Variants in CWF19L1 observed in about 807,000 individuals in gnomAD.
The protein encoded by CWF19L1 is CWF19-like protein 1.
Under a neutral mutation model 69.7 loss-of-function variants are expected in CWF19L1, and 60 were observed. That is an observed-to-expected ratio of 0.86 (90% CI 0.70 to 1.07). The LOEUF (loss-of-function observed/expected upper bound fraction) is 1.07, where lower values mean the gene tolerates loss of function less well. CWF19L1 is among the 50% of genes least tolerant of loss of function. The probability of loss-of-function intolerance (pLI) is 0.00; values close to 1 mark genes in which losing one functional copy is unlikely to be tolerated. For synonymous variants in CWF19L1, 209 were observed against 222.2 expected (o/e 0.94, Z 0.53); for missense variants, 591 against 638.9 (o/e 0.92, Z 0.81).
intron 7 of CWF19L1, among the ~76,000 whole-genome samples, chr10:100,249,645 C>A (rs1463908002): frequency 6.6e-6 from 1 of 152,032 alleles, no homozygotes; most frequent in Non-Finnish European, 1.5e-5. Context: ...AGTGCAGTGG[C>A]CCGATCTCAG....
chr10:100,252,078 T>G (rs1433532726), intron 6 of CWF19L1, among the ~76,000 whole-genome samples: 1 of 152,196 alleles, frequency 6.6e-6, no homozygotes, highest in Non-Finnish European at 1.5e-5. Context: ...ATATTACTTT[T>G]GTAAAAAAGA....
intron 13 of CWF19L1, among the ~76,000 whole-genome samples, chr10:100,235,228 G>A (rs1449629372): frequency 6.6e-6 from 1 of 152,186 alleles, no homozygotes; most frequent in Non-Finnish European, 1.5e-5. Context: ...AAATCGGGAT[G>A]ACAGTACCTA....
At chr10:100,237,265 A>G in intron 11 of CWF19L1, 1 of 583,472 alleles carries the variant, frequency 1.7e-6, no homozygotes, top group Non-Finnish European at 3.3e-6. Flanking sequence ...CCCATTTGAA[A>G]ACTTAACAAA....
rs1029932290 is a variant in CWF19L1, at chr10:100,267,553, C to T, written c.23+18G>A. ...GAAAGAGACACAGGGAGAGAGGCTT[C>T]CATTCACGGTCACTCACAGGCGCAG... is the stretch of plus-strand genomic sequence containing the variant. On this transcript the variant is annotated intron_variant, in intron 1 of 13. Coordinates refer to ENST00000354105, the MANE Select transcript of CWF19L1 (RefSeq NM_018294.6). 5 of 1,614,104 alleles carry T rather than the reference C, an allele frequency of 3.1e-6. No individual in the cohort carries two copies. The African/African-American group carries it at 5.3e-5, about 17-fold the overall frequency.
intron 7 of CWF19L1, 185 bp downstream of exon 7, chr10:100,250,063 C>A: frequency 1.6e-6 from 1 of 610,828 alleles, no homozygotes; most frequent in Non-Finnish European, 2.9e-6. Flanking sequence ...CTTCTTTAAA[C>A]TCTCCTACAA....
chr10:100,252,219 A>G (rs1304766109), intron 6 of CWF19L1, among the ~76,000 whole-genome samples: 1 of 152,198 alleles, frequency 6.6e-6, no homozygotes, highest in Non-Finnish European at 1.5e-5. Flanking sequence ...CTTGACCTCT[A>G]TATCAGGAGA....
At chr10:100,255,246 T>C (rs576480856) in intron 5 of CWF19L1, among the ~76,000 whole-genome samples, 92 of 152,312 alleles carry the variant, frequency 6.0e-4, no homozygotes, top group African/African-American at 2.2e-3. Context: ...TGGCCAGGTA[T>C]GGTGGCTCAC....
At chr10:100,255,867 T>G (rs985471323) in intron 5 of CWF19L1, among the ~76,000 whole-genome samples, 14 of 150,514 alleles carry the variant, frequency 9.3e-5, no homozygotes, top group Admixed American at 2.6e-4. Flanking sequence ...GAGGAGGAGG[T>G]TGCAGTGAGC....
chr10:100,236,069 C>G (rs921150172), intron 12 of CWF19L1, among the ~76,000 whole-genome samples: 3 of 151,772 alleles, frequency 2.0e-5, no homozygotes, highest in Non-Finnish European at 2.9e-5. Flanking sequence ...TAGTCAATAC[C>G]CAGTGCTCTA....
Position 100,260,271 on chromosome 10 carries a change from T to C in CWF19L1, c.236A>G (p.Lys79Arg). Residue 79 changes from lysine to arginine, a missense_variant, in exon 4 of 14, where the codon AAA becomes AGA. Physicochemically the swap from Lys to Arg is conservative, Grantham distance 26 (BLOSUM62 2). This residue lies in a region of CWF19L1 where 129 missense variants were observed against 131.3 expected (regional missense o/e 0.98). Coordinates refer to ENST00000354105, the MANE Select transcript of CWF19L1 (RefSeq NM_018294.6). ...VLGANNQETVKYFQDADGCEL... is the reference protein window; with the variant it reads ...VLGANNQETVRYFQDADGCEL... ...ACATCCATCAGCATCCTGGAAATAT[T>C]TTACTGTTTCCTGGTTATTAGCACC... is the stretch of plus-strand genomic sequence containing the variant. 6.2e-7 allele frequency: 1 copy of C among 1,613,104 alleles called. No homozygotes were observed. Among genetic ancestry groups the C allele is most frequent in the Non-Finnish European group, 8.5e-7 (1 of 1,179,218 alleles).
chr10:100,261,425 G>A (rs187170136), intron 2 of CWF19L1, among the ~76,000 whole-genome samples: 307 of 152,226 alleles, frequency 2.0e-3, no homozygotes, highest in African/African-American at 7.2e-3. Flanking sequence ...ATCCCCGTGT[G>A]AAACAAAAAA....
chr10:100,250,309 T>C lies in CWF19L1; in HGVS notation c.647A>G (p.Asn216Ser). ...PYRNHIILQE[N>S]AQHATRFIAL... ...TATAAACCGGGTGGCATGCTGTGCA[T>C]TTTCCTGTAGAATGATATGGTTTCT... is the stretch of plus-strand genomic sequence containing the variant. Residue 216 changes from asparagine (N) to serine (S), a missense_variant, in exon 7 of 14, where the codon AAT becomes AGT. By Grantham distance (46) the Asn-to-Ser change is conservative (BLOSUM62 1). Coordinates refer to ENST00000354105, the MANE Select transcript of CWF19L1 (RefSeq NM_018294.6). The C allele has an allele frequency of 6.2e-7, 1 of 1,611,128 alleles. No individual in the cohort carries two copies. The highest frequency in any genetic ancestry group is 8.5e-7 in the Non-Finnish European group (1 of 1,177,578).
chr10:100,250,251 T>C lies in CWF19L1; in HGVS notation c.705A>G (p.Lys235=), dbSNP rs976711550. ...CACCAAATAGGTAAATCTTTACCTT[T>C]TTCTTTTCTGGATTTCCAACATTTG... ...ALANVGNPEK[K]KYLYAFSIVP... The change falls in exon 7 of 14, where the codon AAA becomes AAG. Residue 235 remains lysine, a synonymous_variant. Coordinates refer to ENST00000354105, the MANE Select transcript of CWF19L1 (RefSeq NM_018294.6). 3 of 1,602,142 alleles carry C rather than the reference T, an allele frequency of 1.9e-6. No homozygotes were observed. The African/African-American group carries it at 4.0e-5, about 21-fold the overall frequency.
At chr10:100,257,713 A>G (rs1423282963) in intron 4 of CWF19L1, among the ~76,000 whole-genome samples, 2 of 152,106 alleles carry the variant, frequency 1.3e-5, no homozygotes, top group Admixed American at 1.3e-4. Context: ...AGTAGATTCC[A>G]TGAAGTTGAC....
In CWF19L1 at chr10:100,256,472, A is replaced by C; in HGVS notation, c.294T>G (p.Arg98=). ...ELAENITYLG[R]KGIFTGSSGL... is the part of the protein sequence containing the mutation. ...CCGAGCTTCCAGTGAAGATACCTTTACGACCTGGGTTCAAAGAAAAATGAA... is the reference window on the plus strand; with the variant it reads ...CCGAGCTTCCAGTGAAGATACCTTTCCGACCTGGGTTCAAAGAAAAATGAA... The change falls in exon 5 of 14, where the codon CGT becomes CGG. Residue 98 remains arginine (R), a synonymous_variant. Transcript: ENST00000354105. 6.2e-7 allele frequency: 1 copy of C among 1,614,054 alleles called. No homozygotes were observed. Among genetic ancestry groups the C allele is most frequent in the Non-Finnish European group, 8.5e-7 (1 of 1,179,916 alleles).
At chr10:100,246,774 C>T in intron 8 of CWF19L1, 21 bp downstream of exon 8, 1 of 1,593,240 alleles carries the variant, frequency 6.3e-7, no homozygotes, top group Non-Finnish European at 8.6e-7. Context: ...ATAAAAATGC[C>T]AACCCTCAAT....
chr10:100,242,471 T>C (rs551702660), intron 10 of CWF19L1, among the ~76,000 whole-genome samples: 2 of 152,112 alleles, frequency 1.3e-5, no homozygotes, highest in South Asian at 2.1e-4. Flanking sequence ...GTCGGGAGTT[T>C]GAGACCAGCC....
At chr10:100,266,697 A>G (rs12245236) in intron 1 of CWF19L1, among the ~76,000 whole-genome samples, 12,037 of 128,452 alleles carry the variant, frequency 0.094, 993 homozygotes, top group African/African-American at 0.28. Context: ...TTTTTTTTGT[A>G]TTAGTAGAGA....
intron 5 of CWF19L1, among the ~76,000 whole-genome samples, chr10:100,255,091 T>C (rs1357880526): frequency 6.6e-6 from 1 of 152,232 alleles, no homozygotes; most frequent in Non-Finnish European, 1.5e-5. Flanking sequence ...TCAATGAAGC[T>C]CACCCAGTGT....
Sources: allele counts gnomAD v4.1 joint callset (sites outside exome capture counted in the v4.1 genomes callset), GRCh38; gene constraint gnomAD v4.1.1; regional missense constraint gnomAD v4.1.1; transcripts MANE v1.5; gene names NCBI Gene and HGNC (gene_info 2026-07-23, HGNC 2026-07-21).